The following TAMM41 variants were observed in gnomAD, a reference collection of about 807,000 sequenced individuals.
TAMM41 encodes TAM41 mitochondrial translocator assembly and maintenance homolog.
In TAMM41, 36 loss-of-function variants were observed where a neutral mutation model predicts 44.1. That is an observed-to-expected ratio of 0.82 (90% CI 0.63 to 1.08). TAMM41 has a LOEUF of 1.08. TAMM41 is among the 50% of genes least tolerant of loss of function. The pLI is 0.00. For synonymous variants in TAMM41, 164 were observed against 153.1 expected (o/e 1.07, Z -0.53); for missense variants, 417 against 404.3 (o/e 1.03, Z -0.27).
At chr3:11,778,470 C>G in the TAMM41 span, among the ~76,000 whole-genome samples, 9 of 152,174 alleles carry the variant, frequency 5.9e-5, no homozygotes, top group Non-Finnish European at 2.9e-5. Flanking sequence ...CAATGGCCCA[C>G]CTCTGTGTCC....
chr3:11,781,120 TCTC>T, the TAMM41 span, among the ~76,000 whole-genome samples: 10 of 152,172 alleles, frequency 6.6e-5, no homozygotes, highest in East Asian at 3.9e-4. Context: ...GCTTTAGACT[TCTC>T]CTGCTTTTCA....
chr3:11,827,782 C>T (rs757494909), intron 4 of TAMM41, among the ~76,000 whole-genome samples: 6 of 152,102 alleles, frequency 3.9e-5, no homozygotes, highest in Non-Finnish European at 5.9e-5. Context: ...TAATACTGAC[C>T]TCAGGGCAGT....
At chr3:11,789,925 T>C (rs1234187203), downstream of TAMM41, among the ~76,000 whole-genome samples, 1 of 152,154 alleles carries the variant, frequency 6.6e-6, no homozygotes, top group Non-Finnish European at 1.5e-5. Context: ...CTGCAGTGGG[T>C]TTCCTGTTGC....
intron 2 of TAMM41, among the ~76,000 whole-genome samples, chr3:11,840,236 ATT>A (rs34715548): frequency 6.9e-6 from 1 of 145,312 alleles, no homozygotes; most frequent in African/African-American, 2.6e-5. Context: ...AATTAAACTC[ATT>A]TTTTTTTTTT....
the TAMM41 span, among the ~76,000 whole-genome samples, chr3:11,750,561 C>T: frequency 2.0e-5 from 3 of 152,146 alleles, no homozygotes; most frequent in Admixed American, 6.6e-5. Context: ...TCTCCTGCCT[C>T]AGCCTCCCCA....
At chr3:11,807,690 C>T in intron 7 of TAMM41, 143 bp downstream of exon 7, 1 of 1,536,230 alleles carries the variant, frequency 6.5e-7, no homozygotes, top group Non-Finnish European at 8.7e-7. Context: ...CTGTTTGTAC[C>T]TTACTGCAAT....
the TAMM41 span, among the ~76,000 whole-genome samples, chr3:11,769,496 C>T: frequency 6.6e-6 from 1 of 151,962 alleles, no homozygotes; most frequent in African/African-American, 2.4e-5. Flanking sequence ...GTGGACCACA[C>T]AGTCTTTGTT....
chr3:11,768,120 T>C, the TAMM41 span, among the ~76,000 whole-genome samples: 4 of 145,978 alleles, frequency 2.7e-5, no homozygotes, highest in Non-Finnish European at 4.5e-5. Context: ...CATATCTTCT[T>C]TGGATGTAGG....
the TAMM41 span, among the ~76,000 whole-genome samples, chr3:11,752,742 C>T: frequency 1.4e-5 from 2 of 144,230 alleles, no homozygotes; most frequent in South Asian, 2.3e-4. Flanking sequence ...TGGGCTCAAG[C>T]GATCCTCCTG....
chr3:11,836,288 G>A (rs1212307715), intron 3 of TAMM41, among the ~76,000 whole-genome samples: 1 of 152,044 alleles, frequency 6.6e-6, no homozygotes, highest in Non-Finnish European at 1.5e-5. Flanking sequence ...ACTGCACCCA[G>A]CCCTGCTTCC....
At chr3:11,799,536 C>A (rs537042022) in intron 7 of TAMM41, among the ~76,000 whole-genome samples, 74 of 152,300 alleles carry the variant, frequency 4.9e-4, no homozygotes, top group Admixed American at 9.8e-4. Flanking sequence ...TCATCACTTT[C>A]CATGCTTTAT....
the TAMM41 span, among the ~76,000 whole-genome samples, chr3:11,777,946 C>A: frequency 6.6e-6 from 1 of 152,258 alleles, no homozygotes; most frequent in African/African-American, 2.4e-5. Context: ...CCACTTCCGG[C>A]CCTCAGCAGC....
chr3:11,769,793 A>G, the TAMM41 span, among the ~76,000 whole-genome samples: 1 of 152,252 alleles, frequency 6.6e-6, no homozygotes, highest in Non-Finnish European at 1.5e-5. Context: ...CAGCCTCAAG[A>G]GGAGTCAGGT....
At chr3:11,817,152 G>C in intron 5 of TAMM41, 40 bp downstream of exon 5, 1 of 1,586,038 alleles carries the variant, frequency 6.3e-7, no homozygotes. Flanking sequence ...AATAGCCTTT[G>C]TCTTAGAAAC....
the TAMM41 span, among the ~76,000 whole-genome samples, chr3:11,768,395 C>T: frequency 6.6e-6 from 1 of 152,184 alleles, no homozygotes; most frequent in African/African-American, 2.4e-5. Context: ...GCCTTAGCCT[C>T]CCAAAGTGTT....
At chr3:11,775,861 T>A in the TAMM41 span, among the ~76,000 whole-genome samples, 1 of 152,162 alleles carries the variant, frequency 6.6e-6, no homozygotes, top group East Asian at 1.9e-4. Flanking sequence ...TACTGAACTG[T>A]TTCTTTTTTA....
chr3:11,768,609 A>G, the TAMM41 span, among the ~76,000 whole-genome samples: 4 of 152,382 alleles, frequency 2.6e-5, no homozygotes, highest in Non-Finnish European at 4.4e-5. Flanking sequence ...TTTAGAGAAG[A>G]AGGAGAAACC....
At chr3:11,736,777 G>C in the TAMM41 span, among the ~76,000 whole-genome samples, 1 of 152,122 alleles carries the variant, frequency 6.6e-6, no homozygotes, top group Admixed American at 6.6e-5. Flanking sequence ...GTGAATATTG[G>C]TGTGAGTTTG....
chr3:11,744,344 A>G, the TAMM41 span, among the ~76,000 whole-genome samples: 6 of 152,082 alleles, frequency 3.9e-5, no homozygotes, highest in Non-Finnish European at 8.8e-5. Flanking sequence ...CTAGGATTAC[A>G]GGTGTGAGCC....
Sources: allele counts gnomAD v4.1 joint callset (sites outside exome capture counted in the v4.1 genomes callset), GRCh38; gene constraint gnomAD v4.1.1; transcripts MANE v1.5; gene names NCBI Gene and HGNC (gene_info 2026-07-23, HGNC 2026-07-21).